Variants in COL27A1 observed in about 807,000 individuals in gnomAD.
COL27A1 encodes the protein collagen type XXVII alpha 1 chain.
In COL27A1, 106 loss-of-function variants were observed where a neutral mutation model predicts 251.3. The observed-to-expected ratio is 0.42, with a 90% CI of 0.36 to 0.50. COL27A1 has a LOEUF of 0.50. COL27A1 is among the 20% of genes least tolerant of loss of function. COL27A1 has a pLI of 0.00. For missense variants in COL27A1, 2,325 were observed against 2,522.8 expected, an observed-to-expected ratio of 0.92 and a Z score of 1.68; for synonymous variants, 1,000 against 986.3, an observed-to-expected ratio of 1.01 and a Z score of -0.26.
At chr9:114,268,403 C>T (rs888462122) in intron 34 of COL27A1, among the ~76,000 whole-genome samples, 2 of 152,224 alleles carry the variant, frequency 1.3e-5, no homozygotes, top group African/African-American at 4.8e-5. Flanking sequence ...GGGAGCATAG[C>T]TTGAAAATTC....
At chr9:114,301,581 C>G (rs759549297) in intron 54 of COL27A1, 101 bp from the exon 55 acceptor site, 70 of 1,525,328 alleles carry the variant, frequency 4.6e-5, no homozygotes, top group Non-Finnish European at 6.1e-5. Context: ...GCCAGAGGAA[C>G]CATTGTCCCT....
At chr9:114,217,908 G>C in intron 12 of COL27A1, 3 of 450,556 alleles carry the variant, frequency 6.7e-6, no homozygotes, top group Non-Finnish European at 1.4e-5. Flanking sequence ...GAGCCCAGGA[G>C]TTCGAGACCA....
chr9:114,300,625 G>A lies in COL27A1; in HGVS notation c.4639G>A (p.Gly1547Ser). The change falls in exon 51 of 61, where the codon GGC (glycine) becomes AGC (serine). Residue 1547 changes from glycine (G) to serine (S), a missense_variant and splice_region_variant. By Grantham distance (56) the Gly-to-Ser change is moderately conservative. Transcript: ENST00000356083. The part of the protein sequence containing the change: ...PGMAGLFGPK[G>S]PPGDIGFKGI... ...ACAGCCCTTTCTCTGCCTCCCACAG[G>A]GCCCGCCTGGAGACATTGGCTTCAA... is the stretch of plus-strand genomic sequence containing the variant. 1 of 1,535,248 alleles carries A rather than the reference G, an allele frequency of 6.5e-7. No homozygotes were observed. Among genetic ancestry groups the A allele is most frequent in the South Asian group, 1.3e-5 (1 of 79,494 alleles).
Position 114,237,000 on chromosome 9 carries a change from G to C in COL27A1, c.2639G>C (p.Gly880Ala), listed in dbSNP as rs1187136450. Reference sequence around the variant, plus strand: ...TTCCAGGGGAGCCAGGGGTTGCCAGGGTTCCCCGGTGCACGGGGGAAGCCA... The same window carrying C: ...TTCCAGGGGAGCCAGGGGTTGCCAGCGTTCCCCGGTGCACGGGGGAAGCCA... Reference protein sequence around the residue: ...QGDKGSQGLPGFPGARGKPGP... With the variant: ...QGDKGSQGLPAFPGARGKPGP... The change falls in exon 18 of 61, where the codon GGG becomes GCG. Residue 880 changes from glycine to alanine, a missense_variant. Gly to Ala is a moderately conservative substitution (Grantham distance 60). Transcript: ENST00000356083. 1 of 1,612,622 alleles carries C rather than the reference G, an allele frequency of 6.2e-7. No individual in the cohort carries two copies. The highest frequency in any genetic ancestry group is 1.7e-5 in the Admixed American group (1 of 59,818).
At chr9:114,239,204 A>C (rs1832595299) in intron 19 of COL27A1, among the ~76,000 whole-genome samples, 1 of 152,244 alleles carries the variant, frequency 6.6e-6, no homozygotes, top group South Asian at 2.1e-4. Context: ...CTCACTCATC[A>C]GTGGGTTATA....
At chr9:114,267,592 T>C (rs1235224784) in intron 34 of COL27A1, 35 bp downstream of exon 34, 1 of 1,583,480 alleles carries the variant, frequency 6.3e-7, no homozygotes, top group East Asian at 2.3e-5. Flanking sequence ...AAATGACTTG[T>C]TGAAACCAGC....
rs79824663 is a variant in COL27A1 at position 114,167,813 on chromosome 9, G to A, written c.258G>A (p.Thr86=). The A allele has an allele frequency of 1.9e-3, 3,043 of 1,613,374 alleles. 76 individuals carry two copies. In the African/African-American group the frequency reaches 0.036, roughly 19 times the overall value. Residue 86 remains threonine, a synonymous_variant, in exon 3 of 61, where the codon ACG becomes ACA. Coordinates refer to ENST00000356083, the MANE Select transcript of COL27A1 (RefSeq NM_032888.4). Reference sequence around the variant, plus strand: ...AGCGGGCCCGGCTCCAGGCTCCCACGGGCACCGTCATTCCTGCCGCCTTGG... The same window carrying A: ...AGCGGGCCCGGCTCCAGGCTCCCACAGGCACCGTCATTCCTGCCGCCTTGG... ...FTQRARLQAP[T]GTVIPAALGT...
chr9:114,175,222 G>C (rs1827324188), intron 3 of COL27A1, among the ~76,000 whole-genome samples: 1 of 152,196 alleles, frequency 6.6e-6, no homozygotes, highest in African/African-American at 2.4e-5. Context: ...ACCTCCCCCA[G>C]GCAGGCCTGA....
At chr9:114,197,273 G>C (rs1213746982) in intron 7 of COL27A1, among the ~76,000 whole-genome samples, 2 of 152,098 alleles carry the variant, frequency 1.3e-5, no homozygotes, top group Non-Finnish European at 2.9e-5. Context: ...GCTCCATCCT[G>C]TTCTTGCCTT....
chr9:114,282,393 C>G, intron 38 of COL27A1, 63 bp downstream of exon 38: 1 of 1,608,836 alleles, frequency 6.2e-7, no homozygotes, highest in Non-Finnish European at 8.5e-7. Flanking sequence ...CCCCACATCC[C>G]TCCCCTCCCT....
Position 114,289,258 on chromosome 9 carries a change from G to A in COL27A1, c.4169G>A (p.Arg1390Gln), listed in dbSNP as rs770455470. The A allele has an allele frequency of 1.9e-5, 30 of 1,588,010 alleles. No homozygotes were observed. The highest frequency in any genetic ancestry group is 1.8e-4 in the East Asian group (8 of 43,728). ...GGTTTGCAGGGGCATCCGGGACCCC[G>A]GGGGTGGCCGGGACCCAAAGGATCG... ...QQGQPGHPGPRGWPGPKGSKG... is the reference protein window; with the variant it reads ...QQGQPGHPGPQGWPGPKGSKG... The change falls in exon 45 of 61, where the codon CGG (arginine) becomes CAG (glutamine). Residue 1390 changes from arginine (R) to glutamine (Q), a missense_variant. Arg to Gln is a conservative substitution (Grantham distance 43). Transcript: ENST00000356083.
At chr9:114,300,420 G>T (rs977155361) in intron 50 of COL27A1, 3 of 581,404 alleles carry the variant, frequency 5.2e-6, no homozygotes, top group Non-Finnish European at 6.1e-6. Flanking sequence ...AAGACCAGGG[G>T]CATATGCCAC....
At chr9:114,301,495 G>T in intron 54 of COL27A1, 33 bp downstream of exon 54, 1 of 1,596,404 alleles carries the variant, frequency 6.3e-7, no homozygotes, top group Non-Finnish European at 8.5e-7. Context: ...CTGTGGGGCG[G>T]GGCGTGGGGC....
rs566089454 is a variant in COL27A1 at position 114,265,443 on chromosome 9, C to T, written c.3361C>T (p.Pro1121Ser). 1.1e-5 allele frequency: 17 copies of T among 1,613,888 alleles called. No homozygotes were observed. Among genetic ancestry groups the T allele is most frequent in the Middle Eastern group, 3.3e-4 (2 of 6,060 alleles). Residue 1121 changes from proline to serine, a missense_variant, in exon 32 of 61, where the codon CCC (proline) becomes TCC (serine). Physicochemically the swap from Pro to Ser is moderately conservative, Grantham distance 74 (BLOSUM62 -1). Around this residue, in one of 4 missense-constraint regions of COL27A1, gnomAD observed 662 missense variants for 795.3 expected, o/e 0.83. Transcript: ENST00000356083. ...GFPGIPGPSGPPGTKGLPGEP... is the reference protein window; with the variant it reads ...GFPGIPGPSGSPGTKGLPGEP... ...GCAGGGCATCCCGGGTCCCTCAGGC[C>T]CCCCAGGCACCAAGGGCCTCCCAGG...
At chr9:114,278,059 G>A (rs1383595765) in intron 37 of COL27A1, among the ~76,000 whole-genome samples, 1 of 152,050 alleles carries the variant, frequency 6.6e-6, no homozygotes, top group Non-Finnish European at 1.5e-5. Context: ...AAAACTTAGG[G>A]TAGGAAAGCA....
rs200179131 is a variant in COL27A1 at position 114,168,690 on chromosome 9, A to G, written c.1135A>G (p.Ile379Val). 17 of 1,613,894 alleles carry G rather than the reference A, an allele frequency of 1.1e-5. No homozygotes were observed. The African/African-American group carries it at 1.6e-4, about 15-fold the overall frequency. ...PTKPSAPSTS[I>V]VPIKSPHPTQ... ...CAAGCCTTCGGCCCCTTCTACTTCA[A>G]TTGTGCCCATCAAAAGCCCCCATCC... Residue 379 changes from isoleucine (I) to valine (V), a missense_variant, in exon 3 of 61, where the codon ATT becomes GTT. Around this residue, in one of 4 missense-constraint regions of COL27A1, gnomAD observed 1,183 missense variants for 1,144.1 expected, o/e 1.03. Coordinates refer to ENST00000356083, the MANE Select transcript of COL27A1 (RefSeq NM_032888.4).
intron 24 of COL27A1, among the ~76,000 whole-genome samples, chr9:114,247,800 A>G (rs374239186): frequency 6.6e-6 from 1 of 152,226 alleles, no homozygotes; most frequent in African/African-American, 2.4e-5. Flanking sequence ...TCACTGCAGG[A>G]TCAGAGGATC....
chr9:114,270,934 C>T (rs1835096055), intron 36 of COL27A1, 153 bp downstream of exon 36: 1 of 655,682 alleles, frequency 1.5e-6, no homozygotes, highest in African/African-American at 1.9e-5. Flanking sequence ...GAAGGGTCAG[C>T]AGTGTCCAGC....
chr9:114,281,235 C>T (rs1204858783), intron 37 of COL27A1, among the ~76,000 whole-genome samples: 3 of 152,212 alleles, frequency 2.0e-5, no homozygotes, highest in Non-Finnish European at 4.4e-5. Flanking sequence ...AGGCCAGAAA[C>T]GCTGCCTGCC....
Sources: allele counts gnomAD v4.1 joint callset (sites outside exome capture counted in the v4.1 genomes callset), GRCh38; gene constraint gnomAD v4.1.1; regional missense constraint gnomAD v4.1.1; transcripts MANE v1.5; gene names NCBI Gene and HGNC (gene_info 2026-07-23, HGNC 2026-07-21).